Variants in KIAA1217 observed in about 807,000 individuals in gnomAD.
The protein encoded by KIAA1217 is KIAA1217.
A neutral mutation model predicts 163.9 loss-of-function variants in KIAA1217; 88 were observed. That is an observed-to-expected ratio of 0.54 (90% confidence interval 0.45 to 0.64). The LOEUF (loss-of-function observed/expected upper bound fraction) is 0.64, where lower values mean the gene tolerates loss of function less well. Ranked by LOEUF, KIAA1217 falls within the 30% of genes least tolerant of loss-of-function variation. The probability of loss-of-function intolerance (pLI) is 0.00; values close to 1 mark genes in which losing one functional copy is unlikely to be tolerated. For synonymous variants in KIAA1217, 903 were observed against 923.1 expected (o/e 0.98, Z 0.39); for missense variants, 2,372 against 2,475.0 (o/e 0.96, Z 0.88).
chr10:24,107,213 C>G (rs1025992342), intron 2 of KIAA1217, among the ~76,000 whole-genome samples: 3 of 152,110 alleles, frequency 2.0e-5, no homozygotes, highest in Admixed American at 2.0e-4. Context: ...AAGGACATTA[C>G]CTCATTCTTT....
At chr10:24,107,859 T>TA (rs1383227681) in intron 2 of KIAA1217, among the ~76,000 whole-genome samples, 1 of 152,122 alleles carries the variant, frequency 6.6e-6, no homozygotes, top group Non-Finnish European at 1.5e-5. Context: ...ACTAACAAAA[T>TA]ACTGTTTAGG....
At chr10:24,462,762 G>T (rs2062544079) in intron 5 of KIAA1217, among the ~76,000 whole-genome samples, 1 of 152,194 alleles carries the variant, frequency 6.6e-6, no homozygotes, top group South Asian at 2.1e-4. Flanking sequence ...AAAATCTCTT[G>T]TTAGAATATG....
At chr10:24,275,998 T>C (rs1376566395) in intron 2 of KIAA1217, among the ~76,000 whole-genome samples, 2 of 152,150 alleles carry the variant, frequency 1.3e-5, no homozygotes, top group Admixed American at 6.5e-5. Context: ...TCCTCCCCAG[T>C]CCTCACTGAC....
At chr10:24,454,346 T>C (rs1163495461) in intron 5 of KIAA1217, among the ~76,000 whole-genome samples, 1 of 152,254 alleles carries the variant, frequency 6.6e-6, no homozygotes, top group Non-Finnish European at 1.5e-5. Flanking sequence ...TTTGACTCAG[T>C]TGATCGACAC....
chr10:24,035,793 A>G (rs558367632), intron 2 of KIAA1217, among the ~76,000 whole-genome samples: 6 of 152,226 alleles, frequency 3.9e-5, no homozygotes, highest in Non-Finnish European at 7.3e-5. Context: ...TGGAGATTTC[A>G]TGTGCTGCCA....
At chr10:24,318,200 TA>T (rs1040835336) in intron 2 of KIAA1217, among the ~76,000 whole-genome samples, 6 of 152,036 alleles carry the variant, frequency 3.9e-5, no homozygotes, top group African/African-American at 1.5e-4. Context: ...GGTAGGTAGG[TA>T]GATGATAGAT....
chr10:24,354,674 A>G (rs544422148), intron 2 of KIAA1217, among the ~76,000 whole-genome samples: 2 of 149,706 alleles, frequency 1.3e-5, no homozygotes, highest in South Asian at 2.1e-4. Flanking sequence ...CCTGAAGCCA[A>G]TCTCCTCTCT....
At chr10:24,192,575 T>C (rs1221172069) in intron 2 of KIAA1217, among the ~76,000 whole-genome samples, 2 of 152,122 alleles carry the variant, frequency 1.3e-5, no homozygotes, top group African/African-American at 2.4e-5. Context: ...GAGAAGCACA[T>C]TTGGGACAGA....
rs1047802702 is a variant in KIAA1217 at position 24,251,576 on chromosome 10, C to T, written c.354+31667C>T. Reference sequence around the variant, plus strand: ...ATCAGGAAACATTGAGTTCCGATTCCTTTGTTACAACCTCCACTAAAGCTA... The same window carrying T: ...ATCAGGAAACATTGAGTTCCGATTCTTTTGTTACAACCTCCACTAAAGCTA... On this transcript the variant is annotated intron_variant, in intron 2 of 20. Coordinates refer to ENST00000376454, the MANE Select transcript of KIAA1217 (RefSeq NM_019590.5). Among the ~76,000 whole-genome samples the T allele has an allele frequency of 2.0e-5, 3 of 152,124 alleles. 1 individual carries two copies. The South Asian group carries it at 6.2e-4, about 32-fold the overall frequency.
At chr10:24,177,106 G>A (rs1204193732) in intron 2 of KIAA1217, among the ~76,000 whole-genome samples, 1 of 151,468 alleles carries the variant, frequency 6.6e-6, no homozygotes, top group African/African-American at 2.4e-5. Flanking sequence ...CAAGCACAGG[G>A]AGCCAGCTTA....
chr10:24,488,888 T>C (rs1306851675), intron 6 of KIAA1217, among the ~76,000 whole-genome samples: 1 of 152,130 alleles, frequency 6.6e-6, no homozygotes, highest in African/African-American at 2.4e-5. Flanking sequence ...AAAAAGGAAA[T>C]TGACATTGTC....
intron 1 of KIAA1217, among the ~76,000 whole-genome samples, chr10:23,862,728 C>A (rs1588971336): frequency 6.6e-6 from 1 of 151,774 alleles, no homozygotes; most frequent in Non-Finnish European, 1.5e-5. Context: ...AGGCAGGGGG[C>A]AGATCACAGA....
At chr10:24,237,140 A>G (rs964344705) in intron 2 of KIAA1217, among the ~76,000 whole-genome samples, 1 of 152,226 alleles carries the variant, frequency 6.6e-6, no homozygotes, top group Admixed American at 6.5e-5. Context: ...GCAAATCACA[A>G]TGTCATTAAG....
At chr10:24,527,414 C>G (rs2072361688) in intron 13 of KIAA1217, among the ~76,000 whole-genome samples, 1 of 146,788 alleles carries the variant, frequency 6.8e-6, no homozygotes, top group African/African-American at 2.5e-5. Flanking sequence ...TTGAGTGAGA[C>G]TCATGTCTCA....
At chr10:24,375,333 G>A (rs2052330054) in intron 2 of KIAA1217, among the ~76,000 whole-genome samples, 2 of 152,124 alleles carry the variant, frequency 1.3e-5, no homozygotes, top group South Asian at 4.1e-4. Flanking sequence ...AGCAGAAAAT[G>A]GGAAAAAGGC....
At chr10:24,172,078 A>G (rs902390942) in intron 2 of KIAA1217, among the ~76,000 whole-genome samples, 2 of 152,222 alleles carry the variant, frequency 1.3e-5, no homozygotes, top group African/African-American at 4.8e-5. Context: ...GAAACAAAAA[A>G]TTAAGCCCCA....
chr10:24,129,225 A>T (rs190079945), intron 2 of KIAA1217, among the ~76,000 whole-genome samples: 7 of 152,238 alleles, frequency 4.6e-5, no homozygotes, highest in African/African-American at 1.4e-4. Context: ...ACTGCAGTGT[A>T]ATAGAGTCAT....
intron 2 of KIAA1217, among the ~76,000 whole-genome samples, chr10:24,325,386 G>A (rs6482383): frequency 0.24 from 36,736 of 152,070 alleles, 5,360 homozygotes; most frequent in African/African-American, 0.42. Context: ...TATGGAAGCA[G>A]GATGAAATGA....
At chr10:24,141,227 C>CCA (rs1554882527) in intron 2 of KIAA1217, among the ~76,000 whole-genome samples, 1 of 93,068 alleles carries the variant, frequency 1.1e-5, no homozygotes, top group African/African-American at 4.1e-5. Context: ...AAGAATAAAC[C>CCA]CCCCCCCCCC....
Sources: gnomAD v4.1 joint callset for allele counts (sites outside exome capture counted in the v4.1 genomes callset) on GRCh38, gnomAD v4.1.1 for gene constraint, MANE v1.5 for transcripts, NCBI Gene and HGNC (gene_info 2026-07-23, HGNC 2026-07-21) for gene names.